NUP210L: variants seen among roughly 807,000 people sequenced by gnomAD.
NUP210L encodes nucleoporin 210 like.
In NUP210L, 74 loss-of-function variants were observed where a neutral mutation model predicts 208.5. The ratio of observed to expected loss-of-function variants is 0.35; its 90% CI spans 0.29 to 0.43. The LOEUF is 0.43. Ranked by LOEUF, NUP210L falls within the 20% of genes least tolerant of loss-of-function variation. The pLI is 1.00. For missense variants in NUP210L, 1,843 were observed against 2,289.4 expected (o/e 0.81, Z 3.98); for synonymous variants, 780 against 816.9 (o/e 0.95, Z 0.77).
chr1:154,149,099 T>TTTTTTTTTTTTTTA (rs397789894), intron 2 of NUP210L, among the ~76,000 whole-genome samples: 2 of 150,472 alleles, frequency 1.3e-5, no homozygotes, highest in African/African-American at 4.9e-5. Context: ...TTTTTTTTTT[T>TTTTTTTTTTTTTTA]CCTGAGAAGG....
intron 36 of NUP210L, among the ~76,000 whole-genome samples, chr1:154,001,318 C>T (rs1406197422): frequency 2.0e-5 from 3 of 152,124 alleles, no homozygotes; most frequent in Non-Finnish European, 2.9e-5. Context: ...CTGCCTCAGC[C>T]TCCCGAGTAG....
intron 4 of NUP210L, among the ~76,000 whole-genome samples, chr1:154,140,263 A>G (rs900205464): frequency 6.6e-6 from 1 of 151,714 alleles, no homozygotes; most frequent in African/African-American, 2.4e-5. Flanking sequence ...AGACAGGAGA[A>G]TCACTTGAAC....
intron 10 of NUP210L, among the ~76,000 whole-genome samples, chr1:154,121,776 A>G (rs1022245998): frequency 5.9e-5 from 9 of 151,996 alleles, no homozygotes; most frequent in African/African-American, 2.2e-4. Context: ...CTGAGGCAGG[A>G]GAATCACTTG....
intron 7 of NUP210L, among the ~76,000 whole-genome samples, chr1:154,135,036 CCT>C (rs1658466822): frequency 6.6e-6 from 1 of 152,104 alleles, no homozygotes; most frequent in Non-Finnish European, 1.5e-5. Flanking sequence ...CCACGCCCGG[CCT>C]CTGTGTACCT....
At chr1:154,057,574 A>G (rs570562493) in intron 22 of NUP210L, among the ~76,000 whole-genome samples, 13 of 152,246 alleles carry the variant, frequency 8.5e-5, no homozygotes, top group African/African-American at 2.9e-4. Context: ...ATATTTTTAA[A>G]GGGTCCTCTA....
Position 154,051,359 on chromosome 1 carries a change from G to A in NUP210L, c.3483+2869C>T, listed in dbSNP as rs149074644. On this transcript the variant is annotated intron_variant, in intron 25 of 39. Transcript: ENST00000368559. The stretch of plus-strand genomic sequence containing the variant: ...CAAGTAGCTGGGACTACAGGCACCC[G>A]CTACCACACCCAGCTAATTTTTTTA... Among the ~76,000 whole-genome samples, 61 of 152,064 alleles carry A rather than the reference G, an allele frequency of 4.0e-4. 2 individuals carry two copies. In the East Asian group the frequency reaches 7.5e-3, roughly 19 times the overall value.
At chr1:154,117,638 T>G in intron 12 of NUP210L, 87 bp downstream of exon 12, 1 of 1,011,362 alleles carries the variant, frequency 9.9e-7, no homozygotes, top group Non-Finnish European at 1.5e-6. Flanking sequence ...AATAGCCATG[T>G]TGGGCTCTTT....
intron 16 of NUP210L, among the ~76,000 whole-genome samples, chr1:154,087,320 C>CAAAAAA (rs1185085313): frequency 1.7e-5 from 1 of 59,740 alleles, no homozygotes; most frequent in Non-Finnish European, 4.0e-5. Context: ...AGCTCCATCT[C>CAAAAAA]AAAAAAAAAA....
intron 38 of NUP210L, 38 bp downstream of exon 38, chr1:153,995,038 C>T: frequency 8.5e-7 from 1 of 1,178,010 alleles, no homozygotes; most frequent in Non-Finnish European, 1.2e-6. Context: ...AGGCAGTTTT[C>T]ATGTCAAAGT....
intron 34 of NUP210L, 79 bp downstream of exon 34, chr1:154,012,164 AC>A (rs1194871960): frequency 3.6e-6 from 5 of 1,401,444 alleles, no homozygotes; most frequent in Non-Finnish European, 4.9e-6. Context: ...AATCTGGATT[AC>A]TAATCCAAAG....
intron 9 of NUP210L, among the ~76,000 whole-genome samples, chr1:154,127,098 T>G (rs574650126): frequency 7.3e-6 from 1 of 136,512 alleles, no homozygotes; most frequent in Non-Finnish European, 1.6e-5. Flanking sequence ...AGAGCGAGAC[T>G]GTGTCTCTTT....
chr1:154,032,683 C>G (rs796518623), intron 27 of NUP210L, among the ~76,000 whole-genome samples: 2 of 151,544 alleles, frequency 1.3e-5, no homozygotes, highest in African/African-American at 4.9e-5. Context: ...TTTGGGAGGC[C>G]GAGGCAGGTG....
intron 16 of NUP210L, among the ~76,000 whole-genome samples, chr1:154,082,685 GT>G (rs1275538274): frequency 6.6e-6 from 1 of 152,184 alleles, no homozygotes; most frequent in Non-Finnish European, 1.5e-5. Flanking sequence ...CTTCTGGTAG[GT>G]TCTTGACCAA....
chr1:154,030,859 G>A (rs1045141280), intron 27 of NUP210L, among the ~76,000 whole-genome samples: 7 of 152,008 alleles, frequency 4.6e-5, no homozygotes, highest in Non-Finnish European at 7.4e-5. Context: ...AGCCTCTCAA[G>A]TAGCCGGGAC....
intron 30 of NUP210L, among the ~76,000 whole-genome samples, chr1:154,024,126 C>T (rs1651720929): frequency 6.6e-6 from 1 of 152,154 alleles, no homozygotes; most frequent in Non-Finnish European, 1.5e-5. Context: ...TGAAGAGAAG[C>T]TGGAGCTTTA....
intron 32 of NUP210L, among the ~76,000 whole-genome samples, chr1:154,021,734 A>G (rs12049128): frequency 0.27 from 40,624 of 151,998 alleles, 5,789 homozygotes; most frequent in Admixed American, 0.37. Flanking sequence ...ACCCTGCACT[A>G]TCTACATAAT....
In NUP210L at chr1:153,993,006, CTT is replaced by C; in HGVS notation, c.5566+7_5566+8del. The C allele has an allele frequency of 6.2e-7, 1 of 1,612,470 alleles. No individual in the cohort carries two copies. The highest frequency in any genetic ancestry group is 8.5e-7 in the Non-Finnish European group (1 of 1,179,218). ...AGCTTTTCAAAGATGAGGACAGAGG[CTT>C]TTTTACCTGGCTGTGGTGTTCCTAG... On this transcript the variant is annotated splice_region_variant and intron_variant, in intron 39 of 39. Coordinates refer to ENST00000368559, the Ensembl canonical transcript of NUP210L.
chr1:154,136,985 C>T (rs1238274097), intron 6 of NUP210L, among the ~76,000 whole-genome samples: 4 of 149,598 alleles, frequency 2.7e-5, no homozygotes, highest in Admixed American at 6.7e-5. Context: ...AGCTTTCAGT[C>T]GATGAATTGA....
At chr1:154,094,288 C>A (rs1284042449) in intron 15 of NUP210L, among the ~76,000 whole-genome samples, 1 of 151,240 alleles carries the variant, frequency 6.6e-6, no homozygotes. Context: ...ATCTCAAAAA[C>A]AACAACAACA....
Sources: gnomAD v4.1 joint callset for allele counts (sites outside exome capture counted in the v4.1 genomes callset) on GRCh38, gnomAD v4.1.1 for gene constraint, MANE v1.5 for transcripts, NCBI Gene and HGNC (gene_info 2026-07-23, HGNC 2026-07-21) for gene names.